KRR1: variants seen among roughly 807,000 people sequenced by gnomAD.
The protein encoded by KRR1 is KRR1 small subunit processome component, also known as KRR1 small subunit processome component homolog.
KRR1 carries 23 observed loss-of-function variants against 50.0 expected under a neutral mutation model. That is an observed-to-expected ratio of 0.46 (90% CI 0.33 to 0.65). The LOEUF (loss-of-function observed/expected upper bound fraction) is 0.65, where lower values mean the gene tolerates loss of function less well. KRR1 is among the 30% of genes least tolerant of loss of function. KRR1 has a pLI of 0.02. For missense variants in KRR1, 419 were observed against 442.4 expected (o/e 0.95, Z 0.47); for synonymous variants, 133 against 146.3 (o/e 0.91, Z 0.66).
chr12:75,510,514 GAC>G (rs2046442495), intron 1 of KRR1, among the ~76,000 whole-genome samples: 1 of 152,020 alleles, frequency 6.6e-6, no homozygotes, highest in African/African-American at 2.4e-5. Context: ...AATCTAAGAA[GAC>G]ACAGAAAAAT....
Position 75,511,542 on chromosome 12 carries a change from C to G in KRR1, c.56G>C (p.Arg19Pro). ...PEKGAGKSEF[R>P]NQKPKPENQD... is the part of the protein sequence containing the mutation. ...GTTCTCCGGCTTCGGCTTCTGGTTA[C>G]GAAATTCACTTTTTCCAGCGCCTTT... is the stretch of plus-strand genomic sequence containing the variant. Residue 19 changes from arginine to proline, a missense_variant, in exon 1 of 10, where the codon CGT becomes CCT. Physicochemically the swap from Arg to Pro is moderately radical, Grantham distance 103. Transcript: ENST00000229214. The G allele has an allele frequency of 6.2e-7, 1 of 1,614,174 alleles. No homozygotes were observed. Among genetic ancestry groups the G allele is most frequent in the Non-Finnish European group, 8.5e-7 (1 of 1,179,982 alleles).
chr12:75,502,633 A>AAGAT (rs1027134430), intron 7 of KRR1: 3 of 152,086 alleles, frequency 2.0e-5, no homozygotes, highest in African/African-American at 7.2e-5. Flanking sequence ...ACAATTCTTT[A>AAGAT]AGATAGGTAT....
At chr12:75,508,614 T>G (rs974018918) in intron 1 of KRR1, among the ~76,000 whole-genome samples, 168 bp from the exon 2 acceptor site, 2 of 152,164 alleles carry the variant, frequency 1.3e-5, no homozygotes, top group African/African-American at 4.8e-5. Context: ...TATTCAAGAG[T>G]CAAAGAACGT....
intron 7 of KRR1, chr12:75,503,268 G>A (rs1457733414): frequency 6.6e-6 from 1 of 152,216 alleles, no homozygotes; most frequent in African/African-American, 2.4e-5. Context: ...AGAGAATTAA[G>A]AGGAAACATG....
chr12:75,501,569 T>A, intron 9 of KRR1, 154 bp downstream of exon 9: 1 of 594,800 alleles, frequency 1.7e-6, no homozygotes. Context: ...TTATAAATTA[T>A]CTCAGCCATC....
chr12:75,506,378 A>C lies in KRR1; in HGVS notation c.541T>G (p.Cys181Gly). 6.2e-7 allele frequency: 1 copy of C among 1,612,276 alleles called. No individual in the cohort carries two copies. Among genetic ancestry groups the C allele is most frequent in the South Asian group, 1.1e-5 (1 of 90,934 alleles). Residue 181 changes from cysteine to glycine, a missense_variant, in exon 5 of 10, where the codon TGT becomes GGT. Physicochemically the swap from Cys to Gly is radical, Grantham distance 159. Transcript: ENST00000229214. The stretch of plus-strand genomic sequence containing the variant: ...GTGTTTCCCTGAACCATAATGTAAC[A>C]ATTAGTTAAGAGTTCCAATGCCTGT... The part of the protein sequence containing the change: ...TLKALELLTN[C>G]YIMVQGNTVS...
In KRR1 at chr12:75,508,398, A is replaced by AAAGCTGGTACCTT. The variant is rs759423516; in HGVS notation, c.133_134insAAGGTACCAGCTT (p.Phe45Ter). 4.3e-6 allele frequency: 7 copies of AAAGCTGGTACCTT among 1,613,080 alleles called. No individual in the cohort carries two copies. The highest frequency in any genetic ancestry group is 5.9e-6 in the Non-Finnish European group (7 of 1,179,634). The stretch of plus-strand genomic sequence containing the variant: ...TCCTCTGGGATTGTCCTCTTTGGAA[A>AAAGCTGGTACCTT]AAGCTGGTTCCTTCCAACCATCAGG... On this transcript the variant is annotated stop_gained and frameshift_variant, in exon 2 of 10. Transcript: ENST00000229214. LOFTEE classifies it high-confidence loss of function.
In KRR1 at chr12:75,493,377, T is replaced by TA. The variant is rs2046333932; in HGVS notation, c.*6431dup. ...TTCCACATAATCTTAGGAAGTCCAG[T>TA]ATCCTCCTCAATATTTCTGATACCT... On this transcript the variant is annotated 3_prime_UTR_variant, in exon 10 of 10. Coordinates refer to ENST00000229214, the MANE Select transcript of KRR1 (RefSeq NM_007043.7). 6.6e-6 allele frequency: 1 copy of TA among 152,150 alleles called. No homozygotes were observed. Among genetic ancestry groups the TA allele is most frequent in the Non-Finnish European group, 1.5e-5 (1 of 68,024 alleles). The allele number at this position is 152,150 out of a possible 1,614,324, so 9.4% of individuals were successfully genotyped here. A position where few individuals can be genotyped will look rare whatever the true frequency, so the allele number is the denominator to read the frequency against.
rs572919514 is a variant in KRR1, at chr12:75,491,107, C to A, written c.*8702G>T. 6.6e-6 allele frequency: 1 copy of A among 152,258 alleles called. No individual in the cohort carries two copies. Among genetic ancestry groups the A allele is most frequent in the South Asian group, 2.1e-4 (1 of 4,824 alleles). The allele number at this position is 152,258 out of a possible 1,614,324, so 9.4% of individuals were successfully genotyped here. A position where few individuals can be genotyped will look rare whatever the true frequency, so the allele number is the denominator to read the frequency against. ...CTGAAAATATACATTTTCTATTTTT[C>A]ACTTAAAATTATGCTGTGAAAAATT... On this transcript the variant is annotated 3_prime_UTR_variant, in exon 10 of 10. Transcript: ENST00000229214.
chr12:75,508,220 G>C (rs908546505), intron 2 of KRR1, 54 bp downstream of exon 2: 1 of 1,280,416 alleles, frequency 7.8e-7, no homozygotes, highest in South Asian at 1.6e-5. Context: ...TACATTTAAA[G>C]GCATAAGCAA....
rs1006870682 is a variant in KRR1 at position 75,499,648 on chromosome 12, A to G, written c.*161T>C. On this transcript the variant is annotated 3_prime_UTR_variant, in exon 10 of 10. Coordinates refer to ENST00000229214, the MANE Select transcript of KRR1 (RefSeq NM_007043.7). ...TCGTATAAATTTTTCAAAAAATACA[A>G]TAATAATATAATTTATAAAGAACAC... The G allele has an allele frequency of 2.6e-6, 1 of 386,910 alleles. No homozygotes were observed. Among genetic ancestry groups the G allele is most frequent in the African/African-American group, 2.1e-5 (1 of 47,406 alleles). The allele number at this position is 386,910 out of a possible 1,614,324, so 24.0% of individuals were successfully genotyped here.
At position 75,508,463 on chromosome 12, in the gene KRR1, A is replaced by G. The variant is rs2046432628; in HGVS notation, c.86-17T>C. Reference sequence around the variant, plus strand: ...CTGATTCATCTACAGAAAGGAAAAAATTTACACATCACATTTTAACTGTCT... The same window carrying G: ...CTGATTCATCTACAGAAAGGAAAAAGTTTACACATCACATTTTAACTGTCT... On this transcript the variant is annotated splice_polypyrimidine_tract_variant and intron_variant, in intron 1 of 9. Coordinates refer to ENST00000229214, the MANE Select transcript of KRR1 (RefSeq NM_007043.7). 1.3e-6 allele frequency: 2 copies of G among 1,571,296 alleles called. No individual in the cohort carries two copies. Among genetic ancestry groups the G allele is most frequent in the Admixed American group, 2.0e-5 (1 of 49,762 alleles).
Position 75,508,534 on chromosome 12 carries a change from G to A in KRR1, c.86-88C>T, listed in dbSNP as rs184813873. On this transcript the variant is annotated intron_variant, in intron 1 of 9. Coordinates refer to ENST00000229214, the MANE Select transcript of KRR1 (RefSeq NM_007043.7). ...TTTAACTGTCTTTTGGACACTTTATGAACATCCTATGCACATATTCACAAA... is the reference window on the plus strand; with the variant it reads ...TTTAACTGTCTTTTGGACACTTTATAAACATCCTATGCACATATTCACAAA... 4.5e-5 allele frequency: 42 copies of A among 926,082 alleles called. No individual in the cohort carries two copies. In the Middle Eastern group the frequency reaches 8.1e-4, roughly 18 times the overall value. 57.4% of individuals were successfully genotyped at this position (926,082 alleles called of 1,614,324 possible).
intron 1 of KRR1, 76 bp downstream of exon 1, chr12:75,511,437 C>T: frequency 1.5e-6 from 2 of 1,313,454 alleles, no homozygotes; most frequent in South Asian, 2.3e-5. Context: ...TTTTATAAGT[C>T]CACGAGGAAC....
intron 7 of KRR1, chr12:75,502,658 C>CA (rs1454021852): frequency 6.6e-6 from 1 of 152,044 alleles, no homozygotes; most frequent in Non-Finnish European, 1.5e-5. Context: ...ATTACTCCCA[C>CA]TTTAGGTATG....
At position 75,498,122 on chromosome 12, in the gene KRR1, A is replaced by AAAGT. The variant is rs1168970882; in HGVS notation, c.*1683_*1686dup. On this transcript the variant is annotated 3_prime_UTR_variant, in exon 10 of 10. Coordinates refer to ENST00000229214, the MANE Select transcript of KRR1 (RefSeq NM_007043.7). ...GGAAAAGGTTTCTATTTTATAAAAG[A>AAAGT]AAGTATCCAGAAGGCTAAAGGCAGT... The AAAGT allele has an allele frequency of 2.6e-5, 4 of 152,500 alleles. No individual in the cohort carries two copies. Among genetic ancestry groups the AAAGT allele is most frequent in the Admixed American group, 1.3e-4 (2 of 15,270 alleles). The allele number at this position is 152,500 out of a possible 1,614,324, so 9.4% of individuals were successfully genotyped here.
At position 75,494,509 on chromosome 12, in the gene KRR1, A is replaced by G. The variant is rs1248686648; in HGVS notation, c.*5300T>C. On this transcript the variant is annotated 3_prime_UTR_variant, in exon 10 of 10. Coordinates refer to ENST00000229214, the MANE Select transcript of KRR1 (RefSeq NM_007043.7). ...TAGCCCCCGGTAGATCTTAATAGAG[A>G]AGCACATATTACTTTATCACAAATC... 1 of 152,176 alleles carries G rather than the reference A, an allele frequency of 6.6e-6. No individual in the cohort carries two copies. The highest frequency in any genetic ancestry group is 1.5e-5 in the Non-Finnish European group (1 of 68,026). 9.4% of individuals were successfully genotyped at this position (152,176 alleles called of 1,614,324 possible).
At chr12:75,508,210 T>A in intron 2 of KRR1, 64 bp downstream of exon 2, 77 of 1,034,768 alleles carry the variant, frequency 7.4e-5, no homozygotes, top group South Asian at 9.1e-5. Context: ...TTAGCATACA[T>A]ACATTTAAAG....
chr12:75,501,372 C>CTGAT (rs1339886522), intron 9 of KRR1: 3 of 190,480 alleles, frequency 1.6e-5, no homozygotes, highest in African/African-American at 7.1e-5. Flanking sequence ...AGTACAACTT[C>CTGAT]TGATAATTCC....
Sources: gnomAD v4.1 joint callset for allele counts (sites outside exome capture counted in the v4.1 genomes callset) on GRCh38, gnomAD v4.1.1 for gene constraint, MANE v1.5 for transcripts, NCBI Gene and HGNC (gene_info 2026-07-23, HGNC 2026-07-21) for gene names.